The following CTNNA2 variants were observed in gnomAD, a reference collection of about 807,000 sequenced individuals.
The protein encoded by CTNNA2 is catenin alpha-2.
A neutral mutation model predicts 101.0 loss-of-function variants in CTNNA2; 42 were observed. The ratio of observed to expected loss-of-function variants is 0.42; its 90% confidence interval spans 0.32 to 0.54. CTNNA2 has a LOEUF of 0.54. Among genes scored for constraint, CTNNA2 ranks in the 20% least tolerant of loss-of-function variants. The pLI is 0.14. For missense variants in CTNNA2, 871 were observed against 1,223.1 expected, an observed-to-expected ratio of 0.71 and a Z score of 4.29; for synonymous variants, 450 against 456.4, an observed-to-expected ratio of 0.99 and a Z score of 0.18.
At chr2:79,433,149 G>A (rs144334631) in intron 4 of CTNNA2, among the ~76,000 whole-genome samples, 6 of 152,294 alleles carry the variant, frequency 3.9e-5, no homozygotes, top group East Asian at 3.9e-4. Flanking sequence ...TCAGCCTGAT[G>A]TTCTCATAGA....
chr2:80,346,882 T>C (rs1331003059), intron 7 of CTNNA2, among the ~76,000 whole-genome samples: 1 of 152,196 alleles, frequency 6.6e-6, no homozygotes, highest in East Asian at 1.9e-4. Flanking sequence ...AAATGGCACA[T>C]TTGTTGCTGA....
intron 4 of CTNNA2, among the ~76,000 whole-genome samples, chr2:79,443,926 CT>C (rs1678803374): frequency 1.4e-5 from 2 of 148,050 alleles, no homozygotes; most frequent in Non-Finnish European, 2.9e-5. Context: ...CTCTCTCTCT[CT>C]CTCTCTCTCT....
intron 9 of CTNNA2, among the ~76,000 whole-genome samples, chr2:80,517,917 A>T (rs183448544): frequency 1.1e-3 from 161 of 152,276 alleles, no homozygotes; most frequent in African/African-American, 3.8e-3. Flanking sequence ...GTCAGTATGG[A>T]TCACACTAAC....
chr2:80,585,085 G>A (rs946387902), intron 14 of CTNNA2, among the ~76,000 whole-genome samples: 2 of 152,018 alleles, frequency 1.3e-5, no homozygotes, highest in Non-Finnish European at 2.9e-5. Context: ...AAACATTCTT[G>A]TACTTGAAAC....
At chr2:79,352,545 G>A (rs888506730) in intron 3 of CTNNA2, among the ~76,000 whole-genome samples, 2 of 151,914 alleles carry the variant, frequency 1.3e-5, no homozygotes, top group African/African-American at 4.8e-5. Context: ...ACTTTTGTTT[G>A]CATTGTTCTT....
rs1558568471 is a variant in CTNNA2 at position 80,542,877 on chromosome 2, T to TC, written c.1291-2105_1291-2104insC. ...GAAGATTCTCCACTATCCTGATTTTTTCCCCCCCCCACATGCCACTTTGGA... is the reference window on the plus strand; with the variant it reads ...GAAGATTCTCCACTATCCTGATTTTTCTCCCCCCCCCACATGCCACTTTGGA... On this transcript the variant is annotated intron_variant, in intron 9 of 18. Coordinates refer to ENST00000402739, the MANE Select transcript of CTNNA2 (RefSeq NM_001282597.3). 2.3e-3 allele frequency among the ~76,000 whole-genome samples: 255 copies of TC among 109,404 alleles called. 1 individual carries two copies. The highest frequency in any genetic ancestry group is 7.3e-3 in the African/African-American group (194 of 26,424). 71.8% of individuals were successfully genotyped at this position (109,404 alleles called of 152,430 possible).
intron 1 of CTNNA2, among the ~76,000 whole-genome samples, chr2:79,558,015 T>C (rs1051994648): frequency 6.6e-6 from 1 of 151,966 alleles, no homozygotes; most frequent in African/African-American, 2.4e-5. Context: ...TTTACACACA[T>C]AGAGATTTAT....
chr2:79,932,546 T>C (rs1271754466), intron 7 of CTNNA2, among the ~76,000 whole-genome samples: 1 of 152,044 alleles, frequency 6.6e-6, no homozygotes, highest in African/African-American at 2.4e-5. Flanking sequence ...CTGTTTCAGC[T>C]TGAATTTATG....
intron 1 of CTNNA2, among the ~76,000 whole-genome samples, chr2:79,645,426 G>A (rs964852442): frequency 6.6e-6 from 1 of 152,110 alleles, no homozygotes; most frequent in Non-Finnish European, 1.5e-5. Flanking sequence ...TAATGTACAG[G>A]AGACTCAGTA....
intron 2 of CTNNA2, among the ~76,000 whole-genome samples, chr2:79,660,702 T>G: frequency 6.6e-6 from 1 of 152,040 alleles, no homozygotes; most frequent in Admixed American, 6.6e-5. Flanking sequence ...TTAGATTAAT[T>G]TCTGTTTTGG....
intron 7 of CTNNA2, among the ~76,000 whole-genome samples, chr2:80,186,546 A>G (rs1445443582): frequency 6.6e-6 from 1 of 152,216 alleles, no homozygotes; most frequent in Non-Finnish European, 1.5e-5. Flanking sequence ...TTATTAGCTC[A>G]TAGTTAAATG....
intron 4 of CTNNA2, among the ~76,000 whole-genome samples, chr2:79,399,134 G>A (rs969928433): frequency 1.3e-5 from 2 of 151,998 alleles, no homozygotes; most frequent in Non-Finnish European, 2.9e-5. Flanking sequence ...ATACTAGAAG[G>A]GCATTTATAG....
At chr2:80,180,879 A>G (rs185269579) in intron 7 of CTNNA2, among the ~76,000 whole-genome samples, 56 of 152,284 alleles carry the variant, frequency 3.7e-4, no homozygotes, top group Admixed American at 1.4e-3. Flanking sequence ...CAAGCAAATA[A>G]ACGATTAGAC....
chr2:79,785,063 A>G (rs887818935), intron 3 of CTNNA2, among the ~76,000 whole-genome samples: 9 of 152,152 alleles, frequency 5.9e-5, no homozygotes, highest in African/African-American at 1.9e-4. Flanking sequence ...TCTGATCCAA[A>G]CAACGCCATC....
At chr2:80,443,748 G>C (rs1377897713) in intron 9 of CTNNA2, among the ~76,000 whole-genome samples, 1 of 152,172 alleles carries the variant, frequency 6.6e-6, no homozygotes, top group Non-Finnish European at 1.5e-5. Context: ...CTTGTCAAGA[G>C]CTTAAAGTTA....
At chr2:79,823,798 T>C (rs1286187152) in intron 3 of CTNNA2, among the ~76,000 whole-genome samples, 2 of 152,134 alleles carry the variant, frequency 1.3e-5, no homozygotes, top group Non-Finnish European at 2.9e-5. Context: ...TTTTTGTCAT[T>C]TTCCAATCTC....
At chr2:79,455,403 G>A (rs976926393) in intron 4 of CTNNA2, among the ~76,000 whole-genome samples, 5 of 152,164 alleles carry the variant, frequency 3.3e-5, no homozygotes, top group African/African-American at 1.2e-4. Flanking sequence ...TGTCTGTGGG[G>A]TTGCCATGGG....
intron 7 of CTNNA2, among the ~76,000 whole-genome samples, chr2:80,012,033 C>T (rs1693827194): frequency 6.6e-6 from 1 of 152,262 alleles, no homozygotes; most frequent in African/African-American, 2.4e-5. Flanking sequence ...ATTGCTAGAG[C>T]AGATGTACGT....
At chr2:79,674,163 C>T (rs1046290866) in intron 2 of CTNNA2, among the ~76,000 whole-genome samples, 9 of 152,166 alleles carry the variant, frequency 5.9e-5, no homozygotes, top group African/African-American at 2.2e-4. Flanking sequence ...CTGAATCACA[C>T]TGTCAAATGG....
Sources: allele counts gnomAD v4.1 joint callset (sites outside exome capture counted in the v4.1 genomes callset), GRCh38; gene constraint gnomAD v4.1.1; transcripts MANE v1.5; gene names NCBI Gene and HGNC (gene_info 2026-07-23, HGNC 2026-07-21).